MUC6: variants seen among roughly 807,000 people sequenced by gnomAD.
MUC6 encodes the protein mucin-6.
A neutral mutation model predicts 201.5 loss-of-function variants in MUC6; 188 were observed. The observed-to-expected ratio is 0.93, with a 90% CI of 0.83 to 1.05. The LOEUF (loss-of-function observed/expected upper bound fraction) is 1.05, where lower values mean the gene tolerates loss of function less well. Ranked by LOEUF, MUC6 falls within the 50% of genes least tolerant of loss-of-function variation. The probability of loss-of-function intolerance (pLI) is 0.00; values close to 1 mark genes in which losing one functional copy is unlikely to be tolerated. For missense variants in MUC6, 2,706 were observed against 3,256.9 expected, an observed-to-expected ratio of 0.83 and a Z score of 4.12; for synonymous variants, 1,228 against 1,389.4, an observed-to-expected ratio of 0.88 and a Z score of 2.58.
At position 1,026,078 on chromosome 11, in the gene MUC6, G is replaced by C. The variant is rs762818802; in HGVS notation, c.2610C>G (p.Leu870=). The change falls in exon 21 of 33, where the codon CTC becomes CTG. Residue 870 remains leucine (L), a synonymous_variant. Transcript: ENST00000421673. ...AGGTGATGACGTGGCCCTCCCCGTA[G>C]AGGGTGCAGGTGGATGGGCAGTGGG... ...QGTHCPSTCT[L]YGEGHVITFD... is the part of the protein sequence containing the mutation. The C allele has an allele frequency of 6.3e-7, 1 of 1,598,826 alleles. No individual in the cohort carries two copies. The highest frequency in any genetic ancestry group is 8.5e-7 in the Non-Finnish European group (1 of 1,173,454).
Position 1,030,577 on chromosome 11 carries a change from C to T in MUC6, c.888G>A (p.Leu296=). ...QPVRRWRSPG[L]CSVGQCPANQ... ...CTCTCCCTTCCCTGGACTCACAGCACAGGCCGGGGCTCCGCCAGCGGCGGA... is the reference window on the plus strand; with the variant it reads ...CTCTCCCTTCCCTGGACTCACAGCATAGGCCGGGGCTCCGCCAGCGGCGGA... The change falls in exon 7 of 33, where the codon CTG becomes CTA. Residue 296 remains leucine, a synonymous_variant. Coordinates refer to ENST00000421673, the MANE Select transcript of MUC6 (RefSeq NM_005961.3). 6.6e-7 allele frequency: 1 copy of T among 1,505,886 alleles called. No individual in the cohort carries two copies. Among genetic ancestry groups the T allele is most frequent in the Non-Finnish European group, 8.9e-7 (1 of 1,127,240 alleles). The allele number at this position is 1,505,886 out of a possible 1,614,324, so 93.3% of individuals were successfully genotyped here.
chr11:1,014,091 T>A lies in MUC6; in HGVS notation c.7040-90A>T, dbSNP rs1478051816. 4 of 1,111,274 alleles carry A rather than the reference T, an allele frequency of 3.6e-6. No homozygotes were observed. The East Asian group carries it at 1.0e-4, about 29-fold the overall frequency. The allele number at this position is 1,111,274 out of a possible 1,614,324, so 68.8% of individuals were successfully genotyped here. A position where few individuals can be genotyped will look rare whatever the true frequency, so the allele number is the denominator to read the frequency against. On this transcript the variant is annotated intron_variant, in intron 31 of 32. Transcript: ENST00000421673. ...CTGGCTAGAGACCGGGGTCCCCACC[T>A]GTCTCTGGACTCTCCTGCCCAAGGT...
At chr11:1,031,514 G>C (rs941024903) in intron 4 of MUC6, 93 bp downstream of exon 4, 33 of 1,504,508 alleles carry the variant, frequency 2.2e-5, no homozygotes, top group Non-Finnish European at 2.8e-5. Flanking sequence ...CTGAGGGCTG[G>C]CTGGGACCCC....
intron 8 of MUC6, 76 bp from the exon 9 acceptor site, chr11:1,029,691 C>T (rs920796655): frequency 1.9e-5 from 28 of 1,475,610 alleles, no homozygotes; most frequent in Middle Eastern, 2.4e-4. Flanking sequence ...TCCAGGGAGA[C>T]GCCCCCTCCA....
Position 1,029,157 on chromosome 11 carries a change from G to A in MUC6, c.1276-7C>T, listed in dbSNP as rs751560414. On this transcript the variant is annotated splice_region_variant and splice_polypyrimidine_tract_variant and intron_variant, in intron 10 of 32. Transcript: ENST00000421673. ...CCTCGGGAAGCTGGGGGCTCTGCGA[G>A]GGGGCGGGGCTCAGACACGGGTGGG... is the stretch of plus-strand genomic sequence containing the variant. 2.5e-6 allele frequency: 4 copies of A among 1,610,188 alleles called. No homozygotes were observed. The highest frequency in any genetic ancestry group is 3.4e-6 in the Non-Finnish European group (4 of 1,178,814).
intron 13 of MUC6, 85 bp from the exon 14 acceptor site, chr11:1,028,472 C>G: frequency 6.4e-7 from 1 of 1,559,368 alleles, no homozygotes; most frequent in Non-Finnish European, 8.7e-7. Flanking sequence ...CCCGTCCTTC[C>G]TCTAACAGCA....
At chr11:1,026,836 C>T (rs1411015753) in intron 19 of MUC6, 105 bp downstream of exon 19, 65 of 1,205,258 alleles carry the variant, frequency 5.4e-5, no homozygotes, top group Non-Finnish European at 7.1e-5. Context: ...CCCAGGCACC[C>T]GCTGCAGGGC....
At chr11:1,032,956 C>G (rs2133837997) in intron 2 of MUC6, 57 bp downstream of exon 2, 1 of 1,508,736 alleles carries the variant, frequency 6.6e-7, no homozygotes, top group East Asian at 2.3e-5. Context: ...CCCCTCTCTC[C>G]TGCACACCGG....
intron 18 of MUC6, 35 bp downstream of exon 18, chr11:1,027,106 C>T (rs1458156396): frequency 1.1e-5 from 17 of 1,611,408 alleles, no homozygotes; most frequent in Non-Finnish European, 1.4e-5. Context: ...GGGCCCCTCA[C>T]AGTCCCAGCC....
chr11:1,024,571 G>A (rs533816445), intron 24 of MUC6, among the ~76,000 whole-genome samples: 3 of 152,356 alleles, frequency 2.0e-5, no homozygotes, highest in East Asian at 1.9e-4. Flanking sequence ...CCCACCAGGC[G>A]ATGCTGCCCC....
chr11:1,033,464 C>T lies in MUC6; in HGVS notation c.53-389G>A, dbSNP rs953477549. On this transcript the variant is annotated intron_variant, in intron 1 of 32. Transcript: ENST00000421673. This position sits in a 1 kb window ranked among gnomAD's most constrained non-coding sequence, Gnocchi z 5.6. ...GCGGAGCCAACAAAGTGGGCTGTGC[C>T]CGCCTCCCCAGCTTGGCCGCCTGGT... Among the ~76,000 whole-genome samples, 3 of 152,014 alleles carry T rather than the reference C, an allele frequency of 2.0e-5. No homozygotes were observed. Among genetic ancestry groups the T allele is most frequent in the Non-Finnish European group, 4.4e-5 (3 of 67,962 alleles).
At chr11:1,025,972 C>T (rs1856948378) in intron 21 of MUC6, 28 bp downstream of exon 21, 1 of 1,589,158 alleles carries the variant, frequency 6.3e-7, no homozygotes, top group Admixed American at 1.8e-5. Flanking sequence ...GGGTCCCCGG[C>T]CCCTGCGGCC....
Position 1,027,700 on chromosome 11 carries a change from T to G in MUC6, c.1966A>C (p.Ser656Arg). 1 of 1,602,426 alleles carries G rather than the reference T, an allele frequency of 6.2e-7. No individual in the cohort carries two copies. Residue 656 changes from serine (S) to arginine (R), a missense_variant, in exon 16 of 33, where the codon AGT (serine) becomes CGT (arginine). Ser to Arg is a moderately radical substitution (Grantham distance 110). Coordinates refer to ENST00000421673, the MANE Select transcript of MUC6 (RefSeq NM_005961.3). ...GGGCACTCACTGCAGTTGTCCACACTGCTTCTCCAGCCCCAGAGCAGGACG... is the reference window on the plus strand; with the variant it reads ...GGGCACTCACTGCAGTTGTCCACACGGCTTCTCCAGCCCCAGAGCAGGACG... ...RGVLLWGWRS[S>R]VDNCTIPCTG... is the part of the protein sequence containing the mutation.
chr11:1,019,546 C>T (rs190939896), intron 29 of MUC6, 50 bp from the exon 30 acceptor site: 374 of 1,535,102 alleles, frequency 2.4e-4, no homozygotes, highest in Admixed American at 5.9e-4. Flanking sequence ...GCCTGCATTT[C>T]GAAGGCTTGT....
rs756769547 is a variant in MUC6 at position 1,031,306 on chromosome 11, C to T, written c.484-47G>A. On this transcript the variant is annotated intron_variant, in intron 4 of 32. Coordinates refer to ENST00000421673, the MANE Select transcript of MUC6 (RefSeq NM_005961.3). The stretch of plus-strand genomic sequence containing the variant: ...GGGGCCCGGGGGCCAGGGGCCCCCT[C>T]ATCTGCTGTGGAGGGCTCTCAGTTC... 7 of 1,511,970 alleles carry T rather than the reference C, an allele frequency of 4.6e-6. No individual in the cohort carries two copies. The Admixed American group carries it at 6.2e-5, about 13-fold the overall frequency. The allele number at this position is 1,511,970 out of a possible 1,614,324, so 93.7% of individuals were successfully genotyped here. A position where few individuals can be genotyped will look rare whatever the true frequency, so the allele number is the denominator to read the frequency against.
Position 1,016,362 on chromosome 11 carries a change from A to G in MUC6, c.6439T>C (p.Ser2147Pro), listed in dbSNP as rs1856610567. 6.2e-7 allele frequency: 1 copy of G among 1,611,474 alleles called. No homozygotes were observed. The highest frequency in any genetic ancestry group is 8.5e-7 in the Non-Finnish European group (1 of 1,178,848). Residue 2147 changes from serine to proline, a missense_variant, in exon 31 of 33, where the codon TCC (serine) becomes CCC (proline). Ser to Pro is a moderately conservative substitution (Grantham distance 74, BLOSUM62 -1). This residue lies in a region of MUC6 where 586 missense variants were observed against 488.0 expected (regional missense o/e 1.20). Transcript: ENST00000421673. ...APSTVSSYVPSSHSSPQTSSP... is the reference protein window; with the variant it reads ...APSTVSSYVPPSHSSPQTSSP... The stretch of plus-strand genomic sequence containing the variant: ...GAAGTCTGGGGAGAGGAGTGGGAGG[A>G]GGGCACATAAGAAGAAACAGTAGAG...
At chr11:1,034,604 G>C (rs1354021878) in intron 1 of MUC6, among the ~76,000 whole-genome samples, 1 of 152,206 alleles carries the variant, frequency 6.6e-6, no homozygotes, top group Non-Finnish European at 1.5e-5. Context: ...AGCGGGAGGA[G>C]CAGTTGGCTG....
At chr11:1,026,582 C>A in intron 19 of MUC6, 104 bp from the exon 20 acceptor site, 1 of 1,290,746 alleles carries the variant, frequency 7.7e-7, no homozygotes, top group Non-Finnish European at 1.0e-6. Context: ...CAGGTCCTCT[C>A]CCTGAATACA....
At chr11:1,023,849 A>G in intron 25 of MUC6, 98 bp downstream of exon 25, 1 of 1,494,398 alleles carries the variant, frequency 6.7e-7, no homozygotes, top group Non-Finnish European at 9.0e-7. Flanking sequence ...GCGCCTGTCC[A>G]GGGAGAGGGG....
Sources: allele counts gnomAD v4.1 joint callset (sites outside exome capture counted in the v4.1 genomes callset), GRCh38; gene constraint gnomAD v4.1.1; regional missense constraint gnomAD v4.1.1; non-coding constraint Gnocchi (gnomAD v3.1); transcripts MANE v1.5; gene names NCBI Gene and HGNC (gene_info 2026-07-23, HGNC 2026-07-21).